Variants in DCBLD2 observed in about 807,000 individuals in gnomAD.
The protein encoded by DCBLD2 is discoidin, CUB and LCCL domain containing 2.
Under a neutral mutation model 86.8 loss-of-function variants are expected in DCBLD2, and 54 were observed. The observed-to-expected ratio is 0.62, with a 90% confidence interval of 0.50 to 0.78. DCBLD2 has a LOEUF of 0.78. Among genes scored for constraint, DCBLD2 ranks in the 30% least tolerant of loss-of-function variants. The pLI is 0.00. For missense variants in DCBLD2, 908 were observed against 954.2 expected (o/e 0.95, Z 0.64); for synonymous variants, 354 against 341.3 (o/e 1.04, Z -0.41).
intron 1 of DCBLD2, among the ~76,000 whole-genome samples, chr3:98,896,617 A>T (rs1042705725): frequency 6.6e-6 from 1 of 152,256 alleles, no homozygotes; most frequent in South Asian, 2.1e-4. Context: ...GTTAAAAATT[A>T]TAAGTCGATG....
chr3:98,868,915 T>C (rs2107509012), intron 2 of DCBLD2, among the ~76,000 whole-genome samples: 1 of 152,336 alleles, frequency 6.6e-6, no homozygotes, highest in South Asian at 2.1e-4. Context: ...TGGTGAATTC[T>C]ACTATGATAA....
At chr3:98,881,828 ATTTT>A in intron 1 of DCBLD2, 61 bp from the exon 2 acceptor site, 1 of 1,507,966 alleles carries the variant, frequency 6.6e-7, no homozygotes, top group Middle Eastern at 2.0e-4. Flanking sequence ...CTCTATAATG[ATTTT>A]TTTGTGAAGA....
intron 4 of DCBLD2, among the ~76,000 whole-genome samples, chr3:98,824,956 G>A (rs992183165): frequency 3.3e-5 from 5 of 152,102 alleles, no homozygotes; most frequent in African/African-American, 1.2e-4. Flanking sequence ...TAACAACACT[G>A]CAGAATTCTA....
intron 2 of DCBLD2, among the ~76,000 whole-genome samples, chr3:98,858,065 G>A (rs1246907002): frequency 2.0e-5 from 3 of 152,226 alleles, no homozygotes; most frequent in Admixed American, 6.5e-5. Flanking sequence ...AGCAGCCCAC[G>A]GTGGGGGGCA....
At chr3:98,853,774 G>A (rs533977027) in intron 2 of DCBLD2, among the ~76,000 whole-genome samples, 1 of 152,282 alleles carries the variant, frequency 6.6e-6, no homozygotes, top group South Asian at 2.1e-4. Context: ...TCTTATTTAT[G>A]TTCTCAATTA....
intron 2 of DCBLD2, among the ~76,000 whole-genome samples, chr3:98,864,785 A>C (rs1281902131): frequency 6.6e-6 from 1 of 151,918 alleles, no homozygotes; most frequent in Non-Finnish European, 1.5e-5. Context: ...GCATACCAAC[A>C]TGGCTCATGC....
Position 98,822,242 on chromosome 3 carries a change from G to A in DCBLD2, c.816C>T (p.Asn272=), listed in dbSNP as rs759474366. The A allele has an allele frequency of 1.5e-5, 25 of 1,613,666 alleles. 1 individual carries two copies. The highest frequency in any genetic ancestry group is 5.5e-5 in the South Asian group (5 of 91,040). ...TATATACTTACACCACAGATGTGAC[G>A]TTGTTAGCCAAAGAACTTTCATAAT... ...IPYYESSLAN[N]VTSVVGHLST... is the part of the protein sequence containing the mutation. Residue 272 remains asparagine (N), a synonymous_variant, in exon 6 of 16, where the codon AAC becomes AAT. Coordinates refer to ENST00000326840, the MANE Select transcript of DCBLD2 (RefSeq NM_080927.4).
chr3:98,839,920 G>A (rs1163776199), intron 3 of DCBLD2, among the ~76,000 whole-genome samples: 1 of 152,154 alleles, frequency 6.6e-6, no homozygotes, highest in Non-Finnish European at 1.5e-5. Context: ...TCTTAAAATC[G>A]GTGAGGGAGT....
chr3:98,835,752 G>A (rs2107464254), intron 3 of DCBLD2, among the ~76,000 whole-genome samples: 1 of 151,074 alleles, frequency 6.6e-6, no homozygotes, highest in African/African-American at 2.4e-5. Context: ...GTTTCACCAT[G>A]TTGGCCAGGC....
At chr3:98,840,865 A>G (rs1296607817) in intron 3 of DCBLD2, among the ~76,000 whole-genome samples, 2 of 152,200 alleles carry the variant, frequency 1.3e-5, no homozygotes, top group Admixed American at 6.5e-5. Flanking sequence ...ATACATACAA[A>G]TGACTGTAAC....
chr3:98,831,846 T>C (rs1206752464), intron 3 of DCBLD2, among the ~76,000 whole-genome samples: 1 of 152,194 alleles, frequency 6.6e-6, no homozygotes, highest in Non-Finnish European at 1.5e-5. Context: ...ATCTGCTGAT[T>C]GCTTTATGTC....
At chr3:98,892,236 G>A (rs142564903) in intron 1 of DCBLD2, among the ~76,000 whole-genome samples, 2 of 152,226 alleles carry the variant, frequency 1.3e-5, no homozygotes, top group Non-Finnish European at 2.9e-5. Context: ...CCTCACGGAT[G>A]AGGATACCAC....
At chr3:98,854,573 A>C (rs1942899694) in intron 2 of DCBLD2, among the ~76,000 whole-genome samples, 1 of 152,222 alleles carries the variant, frequency 6.6e-6, no homozygotes, top group Non-Finnish European at 1.5e-5. Context: ...GGGACATAAC[A>C]GATATTTACT....
At chr3:98,854,663 T>C (rs1285160396) in intron 2 of DCBLD2, among the ~76,000 whole-genome samples, 1 of 152,214 alleles carries the variant, frequency 6.6e-6, no homozygotes, top group Non-Finnish European at 1.5e-5. Flanking sequence ...AGAAAAGTAT[T>C]TTAAATTATG....
At chr3:98,875,664 C>G (rs1249343298) in intron 2 of DCBLD2, among the ~76,000 whole-genome samples, 1 of 152,096 alleles carries the variant, frequency 6.6e-6, no homozygotes, top group Non-Finnish European at 1.5e-5. Context: ...CGTAAAGCCT[C>G]TGAAAGCCTT....
chr3:98,851,195 C>A (rs1322217781), intron 2 of DCBLD2, among the ~76,000 whole-genome samples: 3 of 152,064 alleles, frequency 2.0e-5, no homozygotes, highest in Non-Finnish European at 4.4e-5. Flanking sequence ...TTTAGAAAAC[C>A]CCATTGTCTC....
intron 10 of DCBLD2, 74 bp downstream of exon 10, chr3:98,812,258 C>A: frequency 2.6e-6 from 4 of 1,554,394 alleles, no homozygotes; most frequent in South Asian, 2.4e-5. Context: ...ATTAATTACT[C>A]TCTCTGAGAA....
intron 13 of DCBLD2, among the ~76,000 whole-genome samples, chr3:98,805,722 G>A (rs1941826124): frequency 6.6e-6 from 1 of 152,168 alleles, no homozygotes; most frequent in African/African-American, 2.4e-5. Context: ...CGCCAGGTGT[G>A]TGGTCGAATT....
intron 3 of DCBLD2, among the ~76,000 whole-genome samples, chr3:98,833,702 C>T (rs1942366740): frequency 6.6e-6 from 1 of 152,204 alleles, no homozygotes; most frequent in African/African-American, 2.4e-5. Context: ...AACCGTCTGA[C>T]CACTTTTTGG....
Sources: gnomAD v4.1 joint callset for allele counts (sites outside exome capture counted in the v4.1 genomes callset) on GRCh38, gnomAD v4.1.1 for gene constraint, MANE v1.5 for transcripts, NCBI Gene and HGNC (gene_info 2026-07-23, HGNC 2026-07-21) for gene names.